MCF2L: variants seen among roughly 807,000 people sequenced by gnomAD.
The protein encoded by MCF2L is MCF.2 cell line derived transforming sequence like.
In MCF2L, 97 loss-of-function variants were observed where a neutral mutation model predicts 153.4. The ratio of observed to expected loss-of-function variants is 0.63; its 90% CI spans 0.54 to 0.75. The LOEUF is 0.75. MCF2L is among the 30% of genes least tolerant of loss of function. MCF2L has a pLI of 0.00. For missense variants in MCF2L, 1,347 were observed against 1,495.2 expected (o/e 0.90, Z 1.64); for synonymous variants, 659 against 632.2 (o/e 1.04, Z -0.64).
intron 26 of MCF2L, chr13:113,090,253 C>T (rs998831208): frequency 1.0e-4 from 137 of 1,376,168 alleles, no homozygotes; most frequent in East Asian, 3.7e-4. Context: ...GTCACAAGGG[C>T]GGCCACGCAA....
chr13:113,075,382 CTTTT>C (rs35309929), intron 11 of MCF2L, among the ~76,000 whole-genome samples, 193 bp downstream of exon 11: 1 of 144,354 alleles, frequency 6.9e-6, no homozygotes, highest in African/African-American at 2.5e-5. Flanking sequence ...AGTTTTATTT[CTTTT>C]TTTTTTTTTT....
chr13:112,905,859 T>C (rs1277031263), intron 2 of MCF2L, among the ~76,000 whole-genome samples: 1 of 152,222 alleles, frequency 6.6e-6, no homozygotes, highest in Non-Finnish European at 1.5e-5. Context: ...TGCAAATACC[T>C]GTGCAGGCCC....
Position 112,992,502 on chromosome 13 carries a change from G to A in MCF2L, c.80-22261G>A, listed in dbSNP as rs535890453. On this transcript the variant is annotated intron_variant, in intron 1 of 29. Coordinates refer to ENST00000535094, the MANE Select transcript of MCF2L (RefSeq NM_001112732.3). ...CACCACCCACCCAGGTGCTCCAGAC[G>A]TTCCCGCCGTGCGTCTGTGGTGGCC... Among the ~76,000 whole-genome samples, 5 of 152,356 alleles carry A rather than the reference G, an allele frequency of 3.3e-5. No homozygotes were observed. The East Asian group carries it at 7.7e-4, about 24-fold the overall frequency.
At chr13:112,909,404 G>A in intron 2 of MCF2L, 1 of 741,802 alleles carries the variant, frequency 1.3e-6, no homozygotes, top group African/African-American at 1.7e-5. Flanking sequence ...ATCCCAAGGG[G>A]CTGTCTGCAG....
intron 2 of MCF2L, among the ~76,000 whole-genome samples, chr13:112,911,371 A>G (rs1389564687): frequency 6.6e-6 from 1 of 152,078 alleles, no homozygotes; most frequent in Non-Finnish European, 1.5e-5. Flanking sequence ...GGCACCGTCC[A>G]TGCAGGGTGT....
Position 113,074,061 on chromosome 13 carries a change from A to G in MCF2L, c.997-383A>G, listed in dbSNP as rs1339693923. 1.3e-5 allele frequency among the ~76,000 whole-genome samples: 2 copies of G among 152,248 alleles called. No homozygotes were observed. The highest frequency in any genetic ancestry group is 6.5e-5 in the Admixed American group (1 of 15,286). ...TAACTCTCCACACCTAGGATCCAGT[A>G]GGAATGCTGACAATTCCAGTGTCCA... On this transcript the variant is annotated intron_variant, in intron 9 of 29. Coordinates refer to ENST00000535094, the MANE Select transcript of MCF2L (RefSeq NM_001112732.3). The surrounding 1 kb of genome is among the most constrained non-coding windows in gnomAD (Gnocchi z 4.2).
chr13:112,926,288 CTGCATGGCCTGGTCTACGTACACAGCGG>C, intron 2 of MCF2L, among the ~76,000 whole-genome samples: 1 of 104,562 alleles, frequency 9.6e-6, no homozygotes, highest in East Asian at 2.8e-4. Flanking sequence ...CAGCGGAGTG[CTGCATGGCCTGGTCTACGTACACAGCGG>C]AGTGCAGTAC....
chr13:113,071,549 G>A (rs1426360993), intron 9 of MCF2L, among the ~76,000 whole-genome samples: 1 of 152,086 alleles, frequency 6.6e-6, no homozygotes, highest in African/African-American at 2.4e-5. Flanking sequence ...GCTAATTTTT[G>A]TATAAGGTAT....
intron 1 of MCF2L, among the ~76,000 whole-genome samples, chr13:112,985,959 G>A (rs942581281): frequency 3.9e-5 from 6 of 152,246 alleles, no homozygotes; most frequent in African/African-American, 9.6e-5. Flanking sequence ...AGCTTCCCAC[G>A]GTCAGCCGTG....
At chr13:113,032,999 A>G (rs1208694722) in intron 3 of MCF2L, among the ~76,000 whole-genome samples, 6 of 141,538 alleles carry the variant, frequency 4.2e-5, no homozygotes, top group East Asian at 2.1e-4. Flanking sequence ...GGCCCCCGTG[A>G]TGTGAGTGGC....
chr13:112,913,970 G>A (rs931438195), intron 2 of MCF2L, among the ~76,000 whole-genome samples: 3 of 152,112 alleles, frequency 2.0e-5, no homozygotes, highest in Non-Finnish European at 2.9e-5. Context: ...CCTGCACCTC[G>A]AGTCCAGACT....
At chr13:113,023,545 G>C (rs776050843) in intron 2 of MCF2L, among the ~76,000 whole-genome samples, 1 of 152,202 alleles carries the variant, frequency 6.6e-6, no homozygotes, top group Non-Finnish European at 1.5e-5. Flanking sequence ...AGTTGTCGGA[G>C]GCTGTGTGCA....
At chr13:113,020,796 A>C (rs113187974) in intron 2 of MCF2L, among the ~76,000 whole-genome samples, 2,993 of 104,694 alleles carry the variant, frequency 0.029, 104 homozygotes, top group African/African-American at 0.097. Context: ...GTATGTGTAG[A>C]TGTGTGTATG....
chr13:113,000,171 C>T (rs2083303085), intron 1 of MCF2L, among the ~76,000 whole-genome samples: 1 of 152,200 alleles, frequency 6.6e-6, no homozygotes. Flanking sequence ...AAGATAGGAA[C>T]ACAGAGATCC....
chr13:113,071,636 C>T (rs1178526019), intron 9 of MCF2L, among the ~76,000 whole-genome samples: 1 of 152,222 alleles, frequency 6.6e-6, no homozygotes, highest in Non-Finnish European at 1.5e-5. Flanking sequence ...GCCCTTTCTT[C>T]CACTGGATTT....
At chr13:112,970,780 C>T (rs966418777) in intron 1 of MCF2L, among the ~76,000 whole-genome samples, 7 of 152,172 alleles carry the variant, frequency 4.6e-5, no homozygotes, top group South Asian at 4.2e-4. Context: ...GAGACATGTG[C>T]GCATTTTTAA....
At chr13:113,013,497 A>G (rs976531888) in intron 1 of MCF2L, among the ~76,000 whole-genome samples, 1 of 152,126 alleles carries the variant, frequency 6.6e-6, no homozygotes, top group Admixed American at 6.5e-5. Context: ...TTTGTGTTCC[A>G]CTGTGTCCCG....
chr13:112,976,065 C>A (rs999575967), intron 1 of MCF2L, among the ~76,000 whole-genome samples: 1 of 152,118 alleles, frequency 6.6e-6, no homozygotes, highest in African/African-American at 2.4e-5. Flanking sequence ...GAAAATACAA[C>A]AGATCCGATT....
At chr13:113,003,249 C>G (rs1022666634) in intron 1 of MCF2L, among the ~76,000 whole-genome samples, 1 of 151,846 alleles carries the variant, frequency 6.6e-6, no homozygotes, top group Non-Finnish European at 1.5e-5. Context: ...TAGGTGGCCC[C>G]CGTGGGTTTT....
Sources: allele counts gnomAD v4.1 joint callset (sites outside exome capture counted in the v4.1 genomes callset), GRCh38; gene constraint gnomAD v4.1.1; non-coding constraint Gnocchi (gnomAD v3.1); transcripts MANE v1.5; gene names NCBI Gene and HGNC (gene_info 2026-07-23, HGNC 2026-07-21).